Variants in GRIA3 observed in about 807,000 individuals in gnomAD.
The protein encoded by GRIA3 is glutamate receptor 3.
Under a neutral mutation model 63.0 loss-of-function variants are expected in GRIA3, and 3 were observed. The observed-to-expected ratio is 0.05, with a 90% CI of 0.02 to 0.12. The LOEUF is 0.12. Among genes scored for constraint, GRIA3 ranks in the 10% least tolerant of loss-of-function variants. The pLI is 1.00. For missense variants in GRIA3, 347 were observed against 700.9 expected (o/e 0.50, Z 5.70); for synonymous variants, 274 against 257.9 (o/e 1.06, Z -0.60).
At position 123,417,787 on chromosome X, in the gene GRIA3, T is replaced by C. The variant is rs1352453842; in HGVS notation, c.1877+9T>C. The C allele has an allele frequency of 5.1e-6, 6 of 1,180,147 alleles. No individual in the cohort carries two copies. Among genetic ancestry groups the C allele is most frequent in the Middle Eastern group, 2.4e-4 (1 of 4,252 alleles). On this transcript the variant is annotated intron_variant, in intron 11 of 15. Coordinates refer to ENST00000620443, the MANE Select transcript of GRIA3 (RefSeq NM_007325.5). ...TGTGATATTTCTCCAAGGTTTGTTTTTGTGGCATACTCAATGCCTCATTGC... is the reference window on the plus strand; with the variant it reads ...TGTGATATTTCTCCAAGGTTTGTTTCTGTGGCATACTCAATGCCTCATTGC...
chrX:123,382,149 A>G (rs767313228), intron 5 of GRIA3, among the ~76,000 whole-genome samples: 1 of 112,070 alleles, frequency 8.9e-6, no homozygotes, highest in South Asian at 3.7e-4. Flanking sequence ...TAGTAACAAG[A>G]TCTTTCCTTT....
rs1252729614 is a variant in GRIA3 at position 123,464,734 on chromosome X, T to C, written c.2077-131T>C. ...AACAATGTTTACGTATGTATGAACG[T>C]GCCTACTAGGTTGCAGTGTAACGTG... On this transcript the variant is annotated intron_variant, in intron 12 of 15. Transcript: ENST00000620443. 12 of 547,680 alleles carry C rather than the reference T, an allele frequency of 2.2e-5. No homozygotes were observed. The South Asian group carries it at 3.2e-4, about 15-fold the overall frequency. 45.1% of individuals were successfully genotyped at this position (547,680 alleles called of 1,213,427 possible).
intron 2 of GRIA3, among the ~76,000 whole-genome samples, chrX:123,212,541 A>G (rs994329019): frequency 6.2e-5 from 7 of 112,047 alleles, no homozygotes; most frequent in Admixed American, 2.8e-4. Context: ...CAATTTATCT[A>G]TCGAGAGCTC....
intron 2 of GRIA3, among the ~76,000 whole-genome samples, chrX:123,239,119 C>A (rs1038504377): frequency 9.0e-6 from 1 of 110,663 alleles, no homozygotes; most frequent in Non-Finnish European, 1.9e-5. Context: ...TGGCCAATGG[C>A]GGTGTTGACA....
In GRIA3 at chrX:123,186,132, T is replaced by C. The variant is rs933216299; in HGVS notation, c.268+142T>C. ...GGGCTCTAATCCATCCGGTTTCATG[T>C]TGCATAAATCAACTCCAAATGATAC... On this transcript the variant is annotated intron_variant, in intron 2 of 15. Coordinates refer to ENST00000620443, the MANE Select transcript of GRIA3 (RefSeq NM_007325.5). The C allele has an allele frequency of 5.5e-6, 3 of 541,033 alleles. No individual in the cohort carries two copies. In the African/African-American group the frequency reaches 6.8e-5, roughly 12 times the overall value. 44.6% of individuals were successfully genotyped at this position (541,033 alleles called of 1,213,427 possible). A position where few individuals can be genotyped will look rare whatever the true frequency, so the allele number is the denominator to read the frequency against.
intron 11 of GRIA3, chrX:123,417,988 G>T: frequency 6.8e-6 from 3 of 441,829 alleles, no homozygotes; most frequent in Non-Finnish European, 1.2e-5. Flanking sequence ...GCATTTCTAT[G>T]GTATTGTATA....
chrX:123,242,810 C>T (rs1255560217), intron 2 of GRIA3, among the ~76,000 whole-genome samples: 5 of 112,553 alleles, frequency 4.4e-5, no homozygotes, highest in African/African-American at 9.7e-5. Flanking sequence ...GGGAAGTGAC[C>T]GGCCCAAGGC....
intron 10 of GRIA3, among the ~76,000 whole-genome samples, chrX:123,406,674 C>A (rs1382799078): frequency 9.0e-6 from 1 of 111,654 alleles, no homozygotes. Flanking sequence ...GGGCCTGGAG[C>A]CATCATCTCC....
chrX:123,342,058 A>C (rs899935469), intron 4 of GRIA3, among the ~76,000 whole-genome samples: 1 of 111,575 alleles, frequency 9.0e-6, no homozygotes, highest in African/African-American at 3.3e-5. Context: ...AAAGCACTAA[A>C]TTTTAATCCT....
At chrX:123,193,581 G>A (rs1043556408) in intron 2 of GRIA3, among the ~76,000 whole-genome samples, 5 of 112,034 alleles carry the variant, frequency 4.5e-5, no homozygotes, top group African/African-American at 1.6e-4. Flanking sequence ...TAGCAGACCT[G>A]AGCCGAGAAC....
rs187431165 is a variant in GRIA3 at position 123,360,416 on chromosome X, C to T, written c.750+5453C>T. On this transcript the variant is annotated intron_variant, in intron 5 of 15. Transcript: ENST00000620443. ...GGACACGTTGGGCCGGGAGCGATGG[C>T]TCATGCATGTAATCCTAGCACTTTG... Among the ~76,000 whole-genome samples, 151 of 106,677 alleles carry T rather than the reference C, an allele frequency of 1.4e-3. 1 individual carries two copies. Among genetic ancestry groups the T allele is most frequent in the African/African-American group, 5.0e-3 (145 of 29,177 alleles). 92.6% of individuals were successfully genotyped at this position (106,677 alleles called of 115,157 possible).
chrX:123,398,468 T>C lies in GRIA3; in HGVS notation c.913-168T>C, dbSNP rs1434561442. 2.7e-5 allele frequency among the ~76,000 whole-genome samples: 3 copies of C among 111,892 alleles called. No homozygotes were observed. The East Asian group carries it at 8.4e-4, about 31-fold the overall frequency. ...ACATGCACACATGAGGTAAGAACTA[T>C]CACTGTAGAATGAATCGAATTCAGG... On this transcript the variant is annotated intron_variant, in intron 6 of 15. Transcript: ENST00000620443.
chrX:123,187,236 AG>A (rs1348817591), intron 2 of GRIA3, among the ~76,000 whole-genome samples: 1 of 111,898 alleles, frequency 8.9e-6, no homozygotes, highest in East Asian at 2.8e-4. Flanking sequence ...CCAAGGGCAC[AG>A]GTTTCTTGGC....
chrX:123,323,719 A>G (rs1202479233), intron 3 of GRIA3, among the ~76,000 whole-genome samples: 2 of 111,783 alleles, frequency 1.8e-5, no homozygotes, highest in Non-Finnish European at 3.8e-5. Context: ...GGGGACTGGA[A>G]TGGGGTGAGG....
intron 13 of GRIA3, among the ~76,000 whole-genome samples, chrX:123,471,133 G>T (rs1423049120): frequency 9.0e-6 from 1 of 110,935 alleles, no homozygotes; most frequent in Non-Finnish European, 1.9e-5. Context: ...TTTCTTTCCT[G>T]GTAGTCACTA....
At chrX:123,452,868 G>A (rs901297045) in intron 12 of GRIA3, among the ~76,000 whole-genome samples, 3 of 111,443 alleles carry the variant, frequency 2.7e-5, no homozygotes, top group Non-Finnish European at 3.8e-5. Context: ...GTGAAAGGGT[G>A]TGGCAGACAC....
intron 4 of GRIA3, among the ~76,000 whole-genome samples, chrX:123,328,212 A>G (rs1479865705): frequency 1.8e-5 from 2 of 111,716 alleles, no homozygotes; most frequent in East Asian, 5.6e-4. Context: ...CATCTACATA[A>G]TGGAGAAAAT....
At chrX:123,277,172 G>A (rs1282612447) in intron 3 of GRIA3, among the ~76,000 whole-genome samples, 2 of 110,142 alleles carry the variant, frequency 1.8e-5, no homozygotes, top group East Asian at 2.8e-4. Context: ...GGGTACATGA[G>A]ATGTTTTGAT....
intron 5 of GRIA3, among the ~76,000 whole-genome samples, chrX:123,388,127 G>T (rs2045363998): frequency 8.9e-6 from 1 of 111,801 alleles, no homozygotes; most frequent in African/African-American, 3.3e-5. Context: ...GTCTGTTTAG[G>T]TTTTCAATTT....
Sources: gnomAD v4.1 joint callset for allele counts (sites outside exome capture counted in the v4.1 genomes callset) on GRCh38, gnomAD v4.1.1 for gene constraint, MANE v1.5 for transcripts, NCBI Gene and HGNC (gene_info 2026-07-23, HGNC 2026-07-21) for gene names.